The following PRKRA variants were observed in gnomAD, a reference collection of about 807,000 sequenced individuals.
PRKRA encodes the protein protein activator of interferon induced protein kinase EIF2AK2.
A neutral mutation model predicts 32.4 loss-of-function variants in PRKRA; 22 were observed. The ratio of observed to expected loss-of-function variants is 0.68; its 90% CI spans 0.49 to 0.97. The LOEUF is 0.97. Among genes scored for constraint, PRKRA ranks in the 50% least tolerant of loss-of-function variants. The pLI is 0.00. For synonymous variants in PRKRA, 139 were observed against 129.8 expected (o/e 1.07, Z -0.48); for missense variants, 319 against 375.6 (o/e 0.85, Z 1.25).
Position 178,431,890 on chromosome 2 carries a change from A to G in PRKRA, c.*207T>C, listed in dbSNP as rs1216983841. The G allele has an allele frequency of 1.5e-6, 1 of 647,976 alleles. No homozygotes were observed. Among genetic ancestry groups the G allele is most frequent in the East Asian group, 2.8e-5 (1 of 35,172 alleles). 40.1% of individuals were successfully genotyped at this position (647,976 alleles called of 1,614,324 possible). ...CACTCTCTCTTGTGGTACAAAGTTT[A>G]TAAATACAGTATACTGATACAAAGT... is the stretch of plus-strand genomic sequence containing the variant. On this transcript the variant is annotated 3_prime_UTR_variant, in exon 8 of 8. Coordinates refer to ENST00000325748, the MANE Select transcript of PRKRA (RefSeq NM_003690.5).
At chr2:178,449,149 A>T (rs1346606384) in intron 2 of PRKRA, among the ~76,000 whole-genome samples, 1 of 152,214 alleles carries the variant, frequency 6.6e-6, no homozygotes, top group Admixed American at 6.5e-5. Context: ...AACGGTTGCC[A>T]TAGGTTGTTA....
intron 6 of PRKRA, among the ~76,000 whole-genome samples, chr2:178,437,341 T>TA (rs1255112573): frequency 9.9e-5 from 15 of 152,184 alleles, no homozygotes; most frequent in Admixed American, 2.0e-4. Flanking sequence ...GACATACTGT[T>TA]AAACATTTTT....
intron 6 of PRKRA, chr2:178,438,914 ACCT>A (rs1697012276): frequency 6.6e-6 from 1 of 151,454 alleles, no homozygotes; most frequent in Non-Finnish European, 1.5e-5. Context: ...CTATCTCCTG[ACCT>A]CATGATCCGC....
At chr2:178,447,360 G>C (rs1270127161) in intron 3 of PRKRA, 145 bp downstream of exon 3, 1 of 1,400,316 alleles carries the variant, frequency 7.1e-7, no homozygotes, top group Non-Finnish European at 9.7e-7. Flanking sequence ...TTTAATGGAT[G>C]ATAAGTTTTC....
intron 1 of PRKRA, 36 bp downstream of exon 1, chr2:178,450,908 CCCCGGCCCTGCCGCCCAACGCT>C: frequency 1.6e-6 from 2 of 1,223,926 alleles, no homozygotes; most frequent in South Asian, 1.6e-5. Context: ...GCTCCCCGCG[CCCCGGCCCTGCCGCCCAACGCT>C]CCCGGCCCTG....
chr2:178,446,965 A>C (rs914410125), intron 3 of PRKRA, among the ~76,000 whole-genome samples: 4 of 139,520 alleles, frequency 2.9e-5, no homozygotes, highest in South Asian at 4.6e-4. Flanking sequence ...TGCACTCCAG[A>C]CTGGGCGACA....
At chr2:178,449,907 C>CCAG (rs1697484612) in intron 2 of PRKRA, among the ~76,000 whole-genome samples, 1 of 152,166 alleles carries the variant, frequency 6.6e-6, no homozygotes, top group Admixed American at 6.5e-5. Flanking sequence ...ACCTACTGAC[C>CCAG]CAGCTATGAC....
In PRKRA at chr2:178,443,262, A is replaced by C. The variant is rs1697186493; in HGVS notation, c.514+5T>G. Reference sequence around the variant, plus strand: ...CAAATGCCTTTAATTGTAAGAAATAAGTACCAGTTTCCATAAATGACTCTA... The same window carrying C: ...CAAATGCCTTTAATTGTAAGAAATACGTACCAGTTTCCATAAATGACTCTA... On this transcript the variant is annotated splice_donor_5th_base_variant and intron_variant, in intron 5 of 7. Transcript: ENST00000325748. 1 of 732,838 alleles carries C rather than the reference A, an allele frequency of 1.4e-6. No individual in the cohort carries two copies. Among genetic ancestry groups the C allele is most frequent in the African/African-American group, 2.0e-5 (1 of 49,812 alleles). 45.4% of individuals were successfully genotyped at this position (732,838 alleles called of 1,614,324 possible). A position where few individuals can be genotyped will look rare whatever the true frequency, so the allele number is the denominator to read the frequency against.
chr2:178,444,626 T>G, intron 3 of PRKRA, 126 bp from the exon 4 acceptor site: 1 of 768,504 alleles, frequency 1.3e-6, no homozygotes, highest in Non-Finnish European at 2.2e-6. Context: ...TGGAATGCCC[T>G]TTTCTCAGAC....
At chr2:178,441,771 T>C in intron 5 of PRKRA, 67 bp from the exon 6 acceptor site, 1 of 993,252 alleles carries the variant, frequency 1.0e-6, no homozygotes, top group Non-Finnish European at 1.4e-6. Flanking sequence ...TGATCAAACG[T>C]ATGAAGTACT....
chr2:178,441,490 A>G, intron 6 of PRKRA, 120 bp downstream of exon 6: 1 of 818,760 alleles, frequency 1.2e-6, no homozygotes, highest in Admixed American at 2.2e-5. Flanking sequence ...ATAACTGAAT[A>G]ATGAAGAGAT....
intron 3 of PRKRA, 57 bp from the exon 4 acceptor site, chr2:178,444,557 A>T: frequency 9.6e-7 from 1 of 1,039,442 alleles, no homozygotes; most frequent in Non-Finnish European, 1.3e-6. Flanking sequence ...ATTATGAAAT[A>T]AATGACAAGC....
intron 2 of PRKRA, 52 bp from the exon 3 acceptor site, chr2:178,447,638 C>T (rs754088490): frequency 6.5e-5 from 85 of 1,299,248 alleles, no homozygotes; most frequent in Non-Finnish European, 8.0e-5. Flanking sequence ...AAATGTGCAG[C>T]TTACAAAGAT....
intron 4 of PRKRA, 139 bp downstream of exon 4, chr2:178,444,283 T>A (rs988944186): frequency 1.9e-5 from 14 of 732,304 alleles, no homozygotes; most frequent in Non-Finnish European, 3.2e-5. Context: ...AAGTTAGCTC[T>A]GTTAATCTAA....
At chr2:178,444,750 A>G (rs74387294) in intron 3 of PRKRA, among the ~76,000 whole-genome samples, 165 of 152,326 alleles carry the variant, frequency 1.1e-3, no homozygotes, top group African/African-American at 3.8e-3. Context: ...TTGAAACATT[A>G]TAACACATGG....
At position 178,439,595 on chromosome 2, in the gene PRKRA, C is replaced by A. The variant is rs180767687; in HGVS notation, c.609+2015G>T. 6.5e-3 allele frequency: 992 copies of A among 152,170 alleles called. 9 individuals carry two copies. Among genetic ancestry groups the A allele is most frequent in the African/African-American group, 0.023 (943 of 41,536 alleles). 9.4% of individuals were successfully genotyped at this position (152,170 alleles called of 1,614,324 possible). On this transcript the variant is annotated intron_variant, in intron 6 of 7. Transcript: ENST00000325748. ...CTTATTTCCAACTTCGTACTGTTTT[C>A]TCTTGTCTAATTTGTTTTTAATTGG...
chr2:178,443,178 A>G (rs1481667121), intron 5 of PRKRA, 89 bp downstream of exon 5: 1 of 1,000,406 alleles, frequency 1.0e-6, no homozygotes, highest in Non-Finnish European at 1.6e-6. Context: ...TTCTGCATAG[A>G]AATATTTGAA....
intron 7 of PRKRA, among the ~76,000 whole-genome samples, chr2:178,432,982 GAAGA>G (rs2154124527): frequency 6.6e-6 from 1 of 152,292 alleles, no homozygotes; most frequent in African/African-American, 2.4e-5. Context: ...GGGCAAAGAG[GAAGA>G]AATAGAAACG....
At chr2:178,434,111 TTTTC>T (rs1227814686) in intron 7 of PRKRA, 5 of 151,586 alleles carry the variant, frequency 3.3e-5, no homozygotes, top group South Asian at 2.1e-4. Context: ...ATCAGCCACC[TTTTC>T]TTTTTTTTTT....
Sources: allele counts gnomAD v4.1 joint callset (sites outside exome capture counted in the v4.1 genomes callset), GRCh38; gene constraint gnomAD v4.1.1; transcripts MANE v1.5; gene names NCBI Gene and HGNC (gene_info 2026-07-23, HGNC 2026-07-21).